Variants in DMD observed in about 807,000 individuals in gnomAD.
The protein encoded by DMD is dystrophin.
Under a neutral mutation model 330.1 loss-of-function variants are expected in DMD, and 63 were observed. That is an observed-to-expected ratio of 0.19 (90% CI 0.16 to 0.24). The LOEUF (loss-of-function observed/expected upper bound fraction) is 0.24, where lower values mean the gene tolerates loss of function less well. Ranked by LOEUF, DMD falls within the 10% of genes least tolerant of loss-of-function variation. The pLI is 1.00. For synonymous variants in DMD, 1,223 were observed against 959.8 expected (o/e 1.27, Z -5.07); for missense variants, 3,344 against 2,684.1 (o/e 1.25, Z -5.43).
chrX:32,410,572 C>A (rs1356207268), intron 30 of DMD, among the ~76,000 whole-genome samples: 1 of 111,698 alleles, frequency 9.0e-6, no homozygotes, highest in Admixed American at 9.6e-5. Context: ...CAGACATCTT[C>A]ACCAACTGGC....
At chrX:32,057,988 C>T (rs578003386) in intron 44 of DMD, among the ~76,000 whole-genome samples, 2 of 111,314 alleles carry the variant, frequency 1.8e-5, no homozygotes. Context: ...AGGATATCCT[C>T]TTCAACCAAT....
chrX:31,376,141 GCT>G (rs2059872311), intron 60 of DMD, among the ~76,000 whole-genome samples: 2 of 112,067 alleles, frequency 1.8e-5, no homozygotes, highest in South Asian at 7.5e-4. Flanking sequence ...CCTGGCATAG[GCT>G]CTGAGGAACT....
chrX:31,621,975 T>A (rs1399580972), intron 55 of DMD, among the ~76,000 whole-genome samples: 1 of 111,874 alleles, frequency 8.9e-6, no homozygotes, highest in African/African-American at 3.3e-5. Flanking sequence ...AATAGATTCA[T>A]GGGTAGGACA....
chrX:32,337,837 C>T (rs770044589), intron 41 of DMD, among the ~76,000 whole-genome samples: 6 of 111,174 alleles, frequency 5.4e-5, no homozygotes, highest in African/African-American at 1.3e-4. Flanking sequence ...TCCTTGGTGG[C>T]ACTGACCAAA....
chrX:33,093,645 T>C (rs1358980558), intron 1 of DMD, among the ~76,000 whole-genome samples: 1 of 111,766 alleles, frequency 8.9e-6, no homozygotes, highest in East Asian at 2.8e-4. Context: ...AGTACAATCT[T>C]GGAATTCATG....
chrX:32,484,365 T>C (rs1446817025), intron 21 of DMD, among the ~76,000 whole-genome samples: 1 of 112,216 alleles, frequency 8.9e-6, no homozygotes, highest in Non-Finnish European at 1.9e-5. Flanking sequence ...TCGCATGGCA[T>C]GAATTTGCAT....
intron 59 of DMD, among the ~76,000 whole-genome samples, chrX:31,474,411 A>C (rs753847375): frequency 1.3e-3 from 141 of 110,874 alleles, no homozygotes; most frequent in Non-Finnish European, 2.0e-3. Context: ...TGGATATATA[A>C]AATGTTCTTC....
chrX:32,153,631 A>T (rs1027280503), intron 44 of DMD, among the ~76,000 whole-genome samples: 9 of 112,239 alleles, frequency 8.0e-5, no homozygotes, highest in Non-Finnish European at 1.5e-4. Context: ...CACAACCAAG[A>T]CTATCCTAAG....
intron 44 of DMD, among the ~76,000 whole-genome samples, chrX:32,153,818 G>A (rs183527443): frequency 5.4e-5 from 6 of 111,934 alleles, no homozygotes; most frequent in African/African-American, 1.9e-4. Context: ...ATGAACGTGC[G>A]CACCTGGTAA....
rs754896140 is a variant in DMD, at chrX:33,107,470, A to G, written c.32-87270T>C. ...GAAGGCAGTAGCAGATATGAAAAAAAAATAGGATAGGGCACTGGAAATAAT... is the reference window on the plus strand; with the variant it reads ...GAAGGCAGTAGCAGATATGAAAAAAGAATAGGATAGGGCACTGGAAATAAT... On this transcript the variant is annotated intron_variant, in intron 1 of 78. Coordinates refer to ENST00000357033, the MANE Select transcript of DMD (RefSeq NM_004006.3). Among the ~76,000 whole-genome samples the G allele has an allele frequency of 3.6e-5, 4 of 111,768 alleles. No homozygotes were observed. The East Asian group carries it at 1.1e-3, about 31-fold the overall frequency.
intron 1 of DMD, among the ~76,000 whole-genome samples, chrX:33,231,196 T>A (rs16990960): frequency 0.022 from 2,453 of 111,570 alleles, 72 homozygotes; most frequent in African/African-American, 0.077. Context: ...CAATCATATG[T>A]ACAACTTGGG....
At chrX:31,562,705 G>A (rs745948993) in intron 55 of DMD, among the ~76,000 whole-genome samples, 5 of 110,769 alleles carry the variant, frequency 4.5e-5, no homozygotes, top group Non-Finnish European at 9.4e-5. Flanking sequence ...TTAGGTATAT[G>A]CATCTCTTTA....
In DMD at chrX:31,208,791, T is replaced by C. The variant is rs2044346013; in HGVS notation, c.9563+707A>G. Among the ~76,000 whole-genome samples the C allele has an allele frequency of 2.7e-5, 3 of 110,094 alleles. No individual in the cohort carries two copies. In the Admixed American group the frequency reaches 2.9e-4, roughly 11 times the overall value. On this transcript the variant is annotated intron_variant, in intron 65 of 78. Coordinates refer to ENST00000357033, the MANE Select transcript of DMD (RefSeq NM_004006.3). ...ATAATTTTGAGATCTAAGAAGAATT[T>C]AGGCAAAATTAAGACCAATTCCTTC...
chrX:32,560,924 G>A (rs1191077880), intron 16 of DMD, among the ~76,000 whole-genome samples: 1 of 111,691 alleles, frequency 9.0e-6, no homozygotes, highest in African/African-American at 3.3e-5. Flanking sequence ...CTTTATAATA[G>A]GATGATTTAT....
intron 49 of DMD, among the ~76,000 whole-genome samples, chrX:31,836,123 T>A (rs1005392534): frequency 8.9e-6 from 1 of 111,855 alleles, no homozygotes; most frequent in African/African-American, 3.2e-5. Flanking sequence ...AAATGTGACC[T>A]AGACTTCAAC....
chrX:31,204,090 T>C lies in DMD; in HGVS notation c.9678A>G (p.Thr3226=), dbSNP rs1052372620. The change falls in exon 67 of 79, where the codon ACA becomes ACG. Residue 3226 remains threonine, a synonymous_variant. Transcript: ENST00000357033. ...CCAGCCTGCGCTGGTCACAAAATCCTGTTGAACTTGCCACTTGCTTGAAAA... is the reference window on the plus strand; with the variant it reads ...CCAGCCTGCGCTGGTCACAAAATCCCGTTGAACTTGCCACTTGCTTGAAAA... ...RYLFKQVASS[T]GFCDQRRLGL... 7 of 1,209,811 alleles carry C rather than the reference T, an allele frequency of 5.8e-6. No individual in the cohort carries two copies. Among genetic ancestry groups the C allele is most frequent in the Non-Finnish European group, 7.8e-6 (7 of 895,115 alleles).
chrX:33,082,824 G>A (rs5928171), intron 1 of DMD, among the ~76,000 whole-genome samples: 8,672 of 111,822 alleles, frequency 0.078, 244 homozygotes, highest in Middle Eastern at 0.1. Context: ...AAAGTTTGTA[G>A]CTGACCAGCC....
At chrX:33,184,887 C>G (rs1040726275) in intron 1 of DMD, among the ~76,000 whole-genome samples, 22 of 109,191 alleles carry the variant, frequency 2.0e-4, no homozygotes, top group African/African-American at 6.7e-4. Context: ...CCACGCCCGG[C>G]TAATTTTTGT....
intron 47 of DMD, among the ~76,000 whole-genome samples, chrX:31,926,461 G>A (rs757971204): frequency 7.1e-4 from 79 of 111,120 alleles, no homozygotes; most frequent in Non-Finnish European, 1.2e-3. Flanking sequence ...CAGATCATGA[G>A]GTCAGGAGTT....
Sources: gnomAD v4.1 joint callset for allele counts (sites outside exome capture counted in the v4.1 genomes callset) on GRCh38, gnomAD v4.1.1 for gene constraint, MANE v1.5 for transcripts, NCBI Gene and HGNC (gene_info 2026-07-23, HGNC 2026-07-21) for gene names.